Variants in SEMA3F observed in about 807,000 individuals in gnomAD.
SEMA3F encodes semaphorin 3F.
In SEMA3F, 30 loss-of-function variants were observed where a neutral mutation model predicts 98.5. The ratio of observed to expected loss-of-function variants is 0.30; its 90% CI spans 0.23 to 0.41. The LOEUF (loss-of-function observed/expected upper bound fraction) is 0.41. Ranked by LOEUF, SEMA3F falls within the 10% of genes least tolerant of loss-of-function variation. The pLI is 1.00. For synonymous variants in SEMA3F, 380 were observed against 444.8 expected (o/e 0.85, Z 1.83); for missense variants, 866 against 1,119.3 (o/e 0.77, Z 3.23).
chr3:50,188,172 A>C lies in SEMA3F; in HGVS notation c.*57A>C. 7.2e-6 allele frequency: 3 copies of C among 416,074 alleles called. No individual in the cohort carries two copies. The highest frequency in any genetic ancestry group is 1.1e-5 in the Non-Finnish European group (3 of 283,742). The allele number at this position is 416,074 out of a possible 1,614,324, so 25.8% of individuals were successfully genotyped here. On this transcript the variant is annotated 3_prime_UTR_variant, in exon 19 of 19. Transcript: ENST00000002829. This position sits in a 1 kb window ranked among gnomAD's most constrained non-coding sequence, Gnocchi z 4.5. The stretch of plus-strand genomic sequence containing the variant: ...CTAGCCCTTGTCCCTTTTAATATAA[A>C]AGATATATATATATATATATATATA...
chr3:50,171,910 T>A (rs1395684029), intron 2 of SEMA3F, among the ~76,000 whole-genome samples: 2 of 152,170 alleles, frequency 1.3e-5, no homozygotes, highest in Non-Finnish European at 2.9e-5. Flanking sequence ...CTGCATTCCC[T>A]TGTCACCGCA....
chr3:50,181,740 C>A (rs983584966), intron 7 of SEMA3F, among the ~76,000 whole-genome samples: 2 of 152,182 alleles, frequency 1.3e-5, no homozygotes, highest in Non-Finnish European at 2.9e-5. Context: ...CCTGCCTCAG[C>A]CTCCCGTGTA....
chr3:50,159,917 A>G (rs1179354031), intron 2 of SEMA3F, among the ~76,000 whole-genome samples, 183 bp downstream of exon 2: 1 of 152,134 alleles, frequency 6.6e-6, no homozygotes, highest in Non-Finnish European at 1.5e-5. Flanking sequence ...TGGAGAACTG[A>G]CCCATTTAGA....
chr3:50,172,883 C>T (rs1395825072), intron 2 of SEMA3F, among the ~76,000 whole-genome samples: 1 of 152,184 alleles, frequency 6.6e-6, no homozygotes, highest in Admixed American at 6.5e-5. Context: ...CCCGGTCACA[C>T]CCCTATCTGC....
Position 50,188,534 on chromosome 3 carries a change from G to T in SEMA3F, c.*419G>T, listed in dbSNP as rs1022816116. On this transcript the variant is annotated 3_prime_UTR_variant, in exon 19 of 19. Transcript: ENST00000002829. The surrounding 1 kb of genome is among the most constrained non-coding windows in gnomAD (Gnocchi z 4.5). ...CCTGTGCTGTGGCATAGACATGGATGCGAGGACCACTTTGGAGACTGGGGT... is the reference window on the plus strand; with the variant it reads ...CCTGTGCTGTGGCATAGACATGGATTCGAGGACCACTTTGGAGACTGGGGT... 3.9e-5 allele frequency: 6 copies of T among 152,470 alleles called. No homozygotes were observed. 9.4% of individuals were successfully genotyped at this position (152,470 alleles called of 1,614,324 possible).
At position 50,158,864 on chromosome 3, in the gene SEMA3F, C is replaced by T. The variant is rs1330455599; in HGVS notation, c.-48-711C>T. On this transcript the variant is annotated intron_variant, in intron 1 of 18. Coordinates refer to ENST00000002829, the MANE Select transcript of SEMA3F (RefSeq NM_004186.5). This position sits in a 1 kb window ranked among gnomAD's most constrained non-coding sequence, Gnocchi z 4.8. ...CAATGCCGCTGGCCCAGATCCAGCC[C>T]CAGGCCCACTGGCCATCCTAGCTTC... Among the ~76,000 whole-genome samples the T allele has an allele frequency of 1.3e-5, 2 of 152,204 alleles. No individual in the cohort carries two copies. Among genetic ancestry groups the T allele is most frequent in the African/African-American group, 2.4e-5 (1 of 41,450 alleles).
intron 7 of SEMA3F, among the ~76,000 whole-genome samples, chr3:50,181,619 C>G (rs1314261433): frequency 6.7e-6 from 1 of 149,290 alleles, no homozygotes; most frequent in African/African-American, 2.5e-5. Flanking sequence ...GCCACCATGC[C>G]CGGCCTCTTT....
chr3:50,161,147 T>G (rs1698192599), intron 2 of SEMA3F, among the ~76,000 whole-genome samples: 1 of 152,144 alleles, frequency 6.6e-6, no homozygotes, highest in Non-Finnish European at 1.5e-5. Flanking sequence ...CCTCCCCCGA[T>G]AGTGGAAGGG....
At position 50,159,919 on chromosome 3, in the gene SEMA3F, C is replaced by T. The variant is rs570444607; in HGVS notation, c.112+185C>T. Among the ~76,000 whole-genome samples, 4 of 152,246 alleles carry T rather than the reference C, an allele frequency of 2.6e-5. No individual in the cohort carries two copies. In the South Asian group the frequency reaches 8.3e-4, roughly 32 times the overall value. On this transcript the variant is annotated intron_variant, in intron 2 of 18. Coordinates refer to ENST00000002829, the MANE Select transcript of SEMA3F (RefSeq NM_004186.5). Reference sequence around the variant, plus strand: ...TGCTGGGAAAGGCTGGAGAACTGACCCATTTAGACACTTAGCAAAAGAGTC... The same window carrying T: ...TGCTGGGAAAGGCTGGAGAACTGACTCATTTAGACACTTAGCAAAAGAGTC...
In SEMA3F at chr3:50,187,802, A is replaced by G; in HGVS notation, c.2045A>G (p.Glu682Gly). The change falls in exon 19 of 19, where the codon GAG becomes GGG. Residue 682 changes from glutamate (E) to glycine (G), a missense_variant. Coordinates refer to ENST00000002829, the MANE Select transcript of SEMA3F (RefSeq NM_004186.5). ...GGCCTCTACTCCTGCACAGCCACTGAGAACAACTTTAAGCACGTCGTCACA... is the reference window on the plus strand; with the variant it reads ...GGCCTCTACTCCTGCACAGCCACTGGGAACAACTTTAAGCACGTCGTCACA... Reference protein sequence around the residue: ...DRGLYSCTATENNFKHVVTRV... With the variant: ...DRGLYSCTATGNNFKHVVTRV... 1 of 1,613,620 alleles carries G rather than the reference A, an allele frequency of 6.2e-7. No homozygotes were observed. The highest frequency in any genetic ancestry group is 8.5e-7 in the Non-Finnish European group (1 of 1,180,014).
At chr3:50,179,374 G>A (rs990296704) in intron 7 of SEMA3F, among the ~76,000 whole-genome samples, 1 of 148,504 alleles carries the variant, frequency 6.7e-6, no homozygotes, top group African/African-American at 2.5e-5. Context: ...TTCCCAGGCT[G>A]GAGTGCAGTG....
intron 5 of SEMA3F, among the ~76,000 whole-genome samples, 191 bp downstream of exon 5, chr3:50,174,541 A>G (rs1325565767): frequency 6.6e-6 from 1 of 152,238 alleles, no homozygotes; most frequent in Non-Finnish European, 1.5e-5. Context: ...CCTTTCTCAC[A>G]GGTCGGTGTG....
Position 50,174,337 on chromosome 3 carries a change from G to A in SEMA3F, c.443G>A (p.Gly148Glu), listed in dbSNP as rs1698725441. 1.2e-6 allele frequency: 2 copies of A among 1,612,210 alleles called. No individual in the cohort carries two copies. The highest frequency in any genetic ancestry group is 1.1e-5 in the South Asian group (1 of 91,000). The stretch of plus-strand genomic sequence containing the variant: ...CCCATGTGCACCTATGTGAACCGCG[G>A]ACGCCGCGCCCAGGTAAGCCCCAGC... ...YNPMCTYVNR[G>E]RRAQATPWTQ... Residue 148 changes from glycine to glutamate, a missense_variant, in exon 5 of 19, where the codon GGA (glycine) becomes GAA (glutamate). Around this residue, in one of 3 missense-constraint regions of SEMA3F, gnomAD observed 247 missense variants for 276.0 expected, o/e 0.89. Transcript: ENST00000002829.
chr3:50,176,979 C>A (rs913576239), intron 7 of SEMA3F, 118 bp downstream of exon 7: 29 of 786,092 alleles, frequency 3.7e-5, no homozygotes, highest in Non-Finnish European at 8.5e-6. Flanking sequence ...TCCCTGAACT[C>A]CCCAAAAGGC....
chr3:50,179,734 G>GCTA (rs1290021194), intron 7 of SEMA3F, among the ~76,000 whole-genome samples: 2 of 152,210 alleles, frequency 1.3e-5, no homozygotes, highest in Non-Finnish European at 2.9e-5. Flanking sequence ...ATCAGCACTT[G>GCTA]CTACTTCACC....
intron 4 of SEMA3F, 23 bp from the exon 5 acceptor site, chr3:50,174,208 T>C: frequency 1.2e-6 from 2 of 1,613,752 alleles, no homozygotes; most frequent in East Asian, 2.2e-5. Flanking sequence ...AGGGCACCTA[T>C]GCAGCCTTCC....
At chr3:50,170,890 C>T (rs570123059) in intron 2 of SEMA3F, among the ~76,000 whole-genome samples, 9 of 152,234 alleles carry the variant, frequency 5.9e-5, no homozygotes, top group Non-Finnish European at 1.3e-4. Context: ...GGAGGGGTCC[C>T]GCAGGTCCTG....
At chr3:50,174,964 A>G (rs1575394773) in intron 5 of SEMA3F, 132 bp from the exon 6 acceptor site, 1 of 672,324 alleles carries the variant, frequency 1.5e-6, no homozygotes. Context: ...GTACACACGC[A>G]TAGACGTGCT....
At position 50,187,698 on chromosome 3, in the gene SEMA3F, C is replaced by T. The variant is rs1445346521; in HGVS notation, c.1948-7C>T. On this transcript the variant is annotated splice_polypyrimidine_tract_variant and splice_region_variant and intron_variant, in intron 18 of 18. Coordinates refer to ENST00000002829, the MANE Select transcript of SEMA3F (RefSeq NM_004186.5). ...AGCCTCTGAACCCCCTCTCCTTGCC[C>T]CTGCAGATTCGTGCAGAGGACCGCT... is the stretch of plus-strand genomic sequence containing the variant. The T allele has an allele frequency of 5.1e-6, 8 of 1,572,922 alleles. No individual in the cohort carries two copies. Among genetic ancestry groups the T allele is most frequent in the Non-Finnish European group, 6.1e-6 (7 of 1,153,486 alleles).
Sources: allele counts gnomAD v4.1 joint callset (sites outside exome capture counted in the v4.1 genomes callset), GRCh38; gene constraint gnomAD v4.1.1; regional missense constraint gnomAD v4.1.1; non-coding constraint Gnocchi (gnomAD v3.1); transcripts MANE v1.5; gene names NCBI Gene and HGNC (gene_info 2026-07-23, HGNC 2026-07-21).